The following TPD52L1 variants were observed in gnomAD, a reference collection of about 807,000 sequenced individuals.
TPD52L1 encodes TPD52 like 1, also known as tumor protein D53.
Under a neutral mutation model 28.7 loss-of-function variants are expected in TPD52L1, and 18 were observed. The ratio of observed to expected loss-of-function variants is 0.63; its 90% CI spans 0.43 to 0.93. TPD52L1 has a LOEUF of 0.93. TPD52L1 is among the 40% of genes least tolerant of loss of function. The pLI, the probability that TPD52L1 is intolerant of heterozygous loss-of-function variation, is 0.00. For missense variants in TPD52L1, 203 were observed against 254.8 expected, an observed-to-expected ratio of 0.80 and a Z score of 1.39; for synonymous variants, 75 against 88.8, an observed-to-expected ratio of 0.84 and a Z score of 0.88.
intron 2 of TPD52L1, among the ~76,000 whole-genome samples, chr6:125,224,178 CTTGCCTTTTGAAAAGG>C (rs1795444078): frequency 6.6e-6 from 1 of 151,874 alleles, no homozygotes; most frequent in Non-Finnish European, 1.5e-5. Context: ...CATAATGTGT[CTTGCCTTTTGAAAAGG>C]ATAAAGTTTT....
chr6:125,237,723 A>AG (rs1796354455), intron 3 of TPD52L1, among the ~76,000 whole-genome samples: 1 of 152,052 alleles, frequency 6.6e-6, no homozygotes, highest in South Asian at 2.1e-4. Flanking sequence ...AGCTCACTGC[A>AG]GCCTCTGCCT....
At chr6:125,196,806 T>G (rs1793472060) in intron 1 of TPD52L1, among the ~76,000 whole-genome samples, 2 of 152,182 alleles carry the variant, frequency 1.3e-5, no homozygotes, top group South Asian at 4.1e-4. Flanking sequence ...TATTTATACA[T>G]GAGGTATGGA....
intron 6 of TPD52L1, among the ~76,000 whole-genome samples, chr6:125,260,801 G>A (rs547273557): frequency 8.2e-5 from 12 of 146,662 alleles, no homozygotes; most frequent in East Asian, 2.0e-4. Context: ...GCAAGACTCC[G>A]TCTCAAAAAA....
chr6:125,257,081 T>G lies in TPD52L1; in HGVS notation c.426-17T>G. The G allele has an allele frequency of 6.2e-7, 1 of 1,608,698 alleles. No individual in the cohort carries two copies. The highest frequency in any genetic ancestry group is 8.5e-7 in the Non-Finnish European group (1 of 1,176,272). On this transcript the variant is annotated splice_polypyrimidine_tract_variant and intron_variant, in intron 5 of 6. Transcript: ENST00000534000. ...GCTAGGCCTTTGGAGCTGACCTCTC[T>G]CTTTTTGTTATTTTAGGAATTCTCC... is the stretch of plus-strand genomic sequence containing the variant.
At chr6:125,213,995 A>G (rs1001172749) in intron 1 of TPD52L1, among the ~76,000 whole-genome samples, 1 of 152,174 alleles carries the variant, frequency 6.6e-6, no homozygotes, top group African/African-American at 2.4e-5. Context: ...AAGTCAATAC[A>G]GTCCTTAGGC....
chr6:125,165,681 T>A (rs1790850697), intron 1 of TPD52L1, among the ~76,000 whole-genome samples: 1 of 152,234 alleles, frequency 6.6e-6, no homozygotes, highest in Non-Finnish European at 1.5e-5. Flanking sequence ...TATGGAAAAC[T>A]CTTCAACTCC....
chr6:125,243,771 C>G (rs1482307998), intron 3 of TPD52L1, among the ~76,000 whole-genome samples: 1 of 152,050 alleles, frequency 6.6e-6, no homozygotes, highest in East Asian at 1.9e-4. Context: ...CCTTGAGTAG[C>G]ACAATTCTGA....
chr6:125,253,652 T>G, intron 4 of TPD52L1, 65 bp from the exon 5 acceptor site: 1 of 1,429,840 alleles, frequency 7.0e-7, no homozygotes. Flanking sequence ...AGGGAGTTTT[T>G]CATGTACTTA....
intron 1 of TPD52L1, among the ~76,000 whole-genome samples, chr6:125,178,658 A>T (rs563220033): frequency 0.11 from 16,573 of 146,386 alleles, 1,096 homozygotes; most frequent in East Asian, 0.35. Flanking sequence ...AACAAAACAA[A>T]ATATATATAT....
intron 1 of TPD52L1, among the ~76,000 whole-genome samples, chr6:125,155,319 C>T (rs1391692359): frequency 6.6e-6 from 1 of 152,224 alleles, no homozygotes; most frequent in Admixed American, 6.5e-5. Context: ...CATTACTGGC[C>T]TTGGCCAACC....
rs779526432 is a variant in TPD52L1 at position 125,248,297 on chromosome 6, T to A, written c.300T>A (p.His100Gln). The change falls in exon 4 of 7, where the codon CAT (histidine) becomes CAA (glutamine). Residue 100 changes from histidine to glutamine, a missense_variant. Physicochemically the swap from His to Gln is conservative, Grantham distance 24. Coordinates refer to ENST00000534000, the MANE Select transcript of TPD52L1 (RefSeq NM_003287.4). ...TTATTTCTAGCTACAAGAAAACACATGAAACCCTGAGTCACGCAGGGCAAA... is the reference window on the plus strand; with the variant it reads ...TTATTTCTAGCTACAAGAAAACACAAGAAACCCTGAGTCACGCAGGGCAAA... ...MQTTTAYKKT[H>Q]ETLSHAGQKA... The A allele has an allele frequency of 1.9e-6, 3 of 1,613,870 alleles. No individual in the cohort carries two copies. The highest frequency in any genetic ancestry group is 2.5e-6 in the Non-Finnish European group (3 of 1,179,904).
At chr6:125,239,618 T>C (rs1217141854) in intron 3 of TPD52L1, among the ~76,000 whole-genome samples, 1 of 152,130 alleles carries the variant, frequency 6.6e-6, no homozygotes, top group African/African-American at 2.4e-5. Context: ...CAATTCAAGA[T>C]GAGATTTGGG....
intron 1 of TPD52L1, among the ~76,000 whole-genome samples, chr6:125,182,781 A>C (rs1164383768): frequency 6.6e-6 from 1 of 152,238 alleles, no homozygotes; most frequent in East Asian, 1.9e-4. Flanking sequence ...ACTGTGCAGT[A>C]GGTGATGGCA....
At chr6:125,245,170 T>G (rs1304447341) in intron 3 of TPD52L1, among the ~76,000 whole-genome samples, 1 of 152,204 alleles carries the variant, frequency 6.6e-6, no homozygotes, top group Non-Finnish European at 1.5e-5. Flanking sequence ...GGGTTTAACG[T>G]GCCGGCTTTC....
intron 1 of TPD52L1, among the ~76,000 whole-genome samples, chr6:125,188,115 A>T (rs1366131001): frequency 1.3e-5 from 2 of 152,208 alleles, no homozygotes; most frequent in African/African-American, 4.8e-5. Context: ...AGCATATATT[A>T]ATTAGTACAT....
At position 125,261,002 on chromosome 6, in the gene TPD52L1, GAAA is replaced by G. The variant is rs1562411427; in HGVS notation, c.487-1831_487-1829del. 9.5e-4 allele frequency: 41 copies of G among 43,320 alleles called. 1 individual carries two copies. Among genetic ancestry groups the G allele is most frequent in the African/African-American group, 5.4e-3 (35 of 6,478 alleles). The allele number at this position is 43,320 out of a possible 1,614,324, so 2.7% of individuals were successfully genotyped here. Reference sequence around the variant, plus strand: ...AAAAGAAAAGAAAGAAAGAAAGAAAGAAAGAAAGAAAGAAAGAAAAGAAAAGAA... The same window carrying G: ...AAAAGAAAAGAAAGAAAGAAAGAAAGGAAAGAAAGAAAGAAAAGAAAAGAA... On this transcript the variant is annotated intron_variant, in intron 6 of 6. Coordinates refer to ENST00000534000, the MANE Select transcript of TPD52L1 (RefSeq NM_003287.4).
chr6:125,186,935 T>C (rs1792676136), intron 1 of TPD52L1, among the ~76,000 whole-genome samples: 1 of 152,044 alleles, frequency 6.6e-6, no homozygotes, highest in Admixed American at 6.6e-5. Context: ...GGATTGGAAA[T>C]GCAAAGGTAC....
intron 1 of TPD52L1, among the ~76,000 whole-genome samples, chr6:125,216,527 GTGTATA>G (rs60977685): frequency 0.025 from 1,011 of 39,888 alleles, 8 homozygotes; most frequent in African/African-American, 0.053. Flanking sequence ...CAGTATGTGT[GTGTATA>G]TATATATATA....
At chr6:125,179,771 T>C (rs1213505565) in intron 1 of TPD52L1, among the ~76,000 whole-genome samples, 8 of 152,224 alleles carry the variant, frequency 5.3e-5, no homozygotes, top group Admixed American at 5.2e-4. Context: ...TTCATTCAGT[T>C]ATCCCACTCT....
Sources: gnomAD v4.1 joint callset for allele counts (sites outside exome capture counted in the v4.1 genomes callset) on GRCh38, gnomAD v4.1.1 for gene constraint, MANE v1.5 for transcripts, NCBI Gene and HGNC (gene_info 2026-07-23, HGNC 2026-07-21) for gene names.